The following ESRRG variants were observed in gnomAD, a reference collection of about 807,000 sequenced individuals.
ESRRG encodes the protein estrogen-related receptor gamma.
A neutral mutation model predicts 44.0 loss-of-function variants in ESRRG; 13 were observed. The ratio of observed to expected loss-of-function variants is 0.30; its 90% CI spans 0.19 to 0.47. The LOEUF is 0.47. ESRRG is among the 20% of genes least tolerant of loss of function. The pLI, the probability that ESRRG is intolerant of heterozygous loss-of-function variation, is 1.00. For synonymous variants in ESRRG, 215 were observed against 214.6 expected (o/e 1.00, Z -0.02); for missense variants, 395 against 580.6 (o/e 0.68, Z 3.29).
rs1410828519 is a variant in ESRRG, at chr1:216,504,476, A to G, written c.*2463T>C. The G allele has an allele frequency of 6.6e-6, 1 of 152,606 alleles. No individual in the cohort carries two copies. The highest frequency in any genetic ancestry group is 6.6e-5 in the Admixed American group (1 of 15,264). 9.5% of individuals were successfully genotyped at this position (152,606 alleles called of 1,614,324 possible). ...ACACTACAGTCACTTCTCTACTGAG[A>G]AACCACAATCTACAATATAGTCCCA... On this transcript the variant is annotated 3_prime_UTR_variant, in exon 7 of 7. Coordinates refer to ENST00000408911, the MANE Select transcript of ESRRG (RefSeq NM_001438.4).
chr1:216,711,855 T>G (rs562609805), intron 1 of ESRRG, among the ~76,000 whole-genome samples: 23 of 152,346 alleles, frequency 1.5e-4, no homozygotes, highest in African/African-American at 5.0e-4. Flanking sequence ...TTATGGAATA[T>G]GAATGGTAGA....
intron 3 of ESRRG, among the ~76,000 whole-genome samples, chr1:216,619,522 G>A (rs536550509): frequency 7.2e-4 from 110 of 152,252 alleles, no homozygotes; most frequent in African/African-American, 2.3e-3. Flanking sequence ...TATGGCAGCC[G>A]TAAGAGCTTT....
intron 1 of ESRRG, among the ~76,000 whole-genome samples, chr1:216,942,438 G>A (rs555635008): frequency 1.3e-5 from 2 of 152,250 alleles, no homozygotes; most frequent in South Asian, 4.1e-4. Context: ...CCAGTAATGG[G>A]ATTGCTAGGT....
chr1:217,114,879 G>A (rs1445132024), intron 1 of ESRRG, among the ~76,000 whole-genome samples: 1 of 151,892 alleles, frequency 6.6e-6, no homozygotes, highest in East Asian at 1.9e-4. Context: ...CGACCAGGAT[G>A]GTCTCGATCT....
intron 1 of ESRRG, among the ~76,000 whole-genome samples, chr1:216,974,875 T>C (rs80165645): frequency 6.8e-6 from 1 of 147,202 alleles, no homozygotes; most frequent in African/African-American, 2.5e-5. Flanking sequence ...CCTTTTGTGC[T>C]TTTTTTTTTT....
chr1:216,861,710 T>TA (rs2096057801), intron 2 of ESRRG, among the ~76,000 whole-genome samples: 2 of 152,052 alleles, frequency 1.3e-5, no homozygotes, highest in African/African-American at 4.8e-5. Flanking sequence ...TCATAAAAAT[T>TA]AAAAATGTAT....
At chr1:216,952,425 T>C (rs2067129807) in intron 1 of ESRRG, among the ~76,000 whole-genome samples, 1 of 152,136 alleles carries the variant, frequency 6.6e-6, no homozygotes, top group Admixed American at 6.5e-5. Context: ...CCATGATGAA[T>C]GAGTTGTGTG....
chr1:217,125,421 G>GT (rs759924183), intron 1 of ESRRG, among the ~76,000 whole-genome samples: 1 of 152,140 alleles, frequency 6.6e-6, no homozygotes, highest in Non-Finnish European at 1.5e-5. Flanking sequence ...TGAATCCATT[G>GT]TTTCACAAAT....
At chr1:216,919,198 C>T (rs1247985655) in intron 2 of ESRRG, among the ~76,000 whole-genome samples, 1 of 152,058 alleles carries the variant, frequency 6.6e-6, no homozygotes, top group African/African-American at 2.4e-5. Context: ...AAACGGGAGG[C>T]CTCACGTGCT....
chr1:216,924,674 C>T (rs557821110), intron 2 of ESRRG, among the ~76,000 whole-genome samples: 1 of 152,060 alleles, frequency 6.6e-6, no homozygotes, highest in African/African-American at 2.4e-5. Context: ...CATGGCAATC[C>T]AAAGAGTGTT....
chr1:216,569,264 G>A (rs1247174134), intron 3 of ESRRG, among the ~76,000 whole-genome samples: 1 of 105,240 alleles, frequency 9.5e-6, no homozygotes, highest in Admixed American at 9.6e-5. Flanking sequence ...AAGGAGGGAG[G>A]AAGGAAAGAA....
At position 217,074,250 on chromosome 1, in the gene ESRRG, T is replaced by C. The variant is rs377710050; in HGVS notation, c.-106+15257A>G. Among the ~76,000 whole-genome samples the C allele has an allele frequency of 3.0e-3, 453 of 152,036 alleles. 1 individual carries two copies. Among genetic ancestry groups the C allele is most frequent in the Admixed American group, 5.6e-3 (85 of 15,280 alleles). On this transcript the variant is annotated intron_variant, in intron 1 of 7. Coordinates refer to the ESRRG transcript ENST00000359162. ...TTTTAGTAGAGACAGGGTTTCACCA[T>C]ATTGGCCCGGCCAGTCTCAAACTCC...
At chr1:216,919,907 T>G (rs1427433963) in intron 2 of ESRRG, among the ~76,000 whole-genome samples, 1 of 152,188 alleles carries the variant, frequency 6.6e-6, no homozygotes, top group Non-Finnish European at 1.5e-5. Context: ...TAAATTTTAT[T>G]CTAATAAGTC....
At chr1:217,125,940 C>T (rs1343865816) in intron 1 of ESRRG, among the ~76,000 whole-genome samples, 1 of 151,968 alleles carries the variant, frequency 6.6e-6, no homozygotes, top group African/African-American at 2.4e-5. Context: ...TTTCTGAGGC[C>T]CAGGGATTCA....
At chr1:216,665,979 C>T (rs2073834737) in intron 2 of ESRRG, among the ~76,000 whole-genome samples, 1 of 152,046 alleles carries the variant, frequency 6.6e-6, no homozygotes, top group African/African-American at 2.4e-5. Flanking sequence ...AGTAGTATAT[C>T]AGGAAAACAC....
rs574556157 is a variant in ESRRG, at chr1:217,074,921, C to T, written c.-106+14586G>A. ...ATAGTGTCCTCCTCTGTGAAGCACACAGAGCAGGATTCTACTTGATGATAT... is the reference window on the plus strand; with the variant it reads ...ATAGTGTCCTCCTCTGTGAAGCACATAGAGCAGGATTCTACTTGATGATAT... On this transcript the variant is annotated intron_variant, in intron 1 of 7. Coordinates refer to the ESRRG transcript ENST00000359162. 1.2e-4 allele frequency among the ~76,000 whole-genome samples: 19 copies of T among 152,306 alleles called. No homozygotes were observed. In the South Asian group the frequency reaches 3.9e-3, roughly 32 times the overall value.
intron 1 of ESRRG, among the ~76,000 whole-genome samples, chr1:217,014,446 T>C (rs2079058424): frequency 6.6e-6 from 1 of 152,202 alleles, no homozygotes; most frequent in African/African-American, 2.4e-5. Context: ...TACTGCTCTG[T>C]TCTGCATATG....
chr1:216,852,460 T>C (rs916495520), intron 2 of ESRRG, among the ~76,000 whole-genome samples: 13 of 152,214 alleles, frequency 8.5e-5, no homozygotes, highest in African/African-American at 3.1e-4. Flanking sequence ...AGCTCACTTA[T>C]CTGTTAAGCA....
chr1:216,834,265 G>A (rs2095530167), intron 2 of ESRRG, among the ~76,000 whole-genome samples: 1 of 152,236 alleles, frequency 6.6e-6, no homozygotes, highest in African/African-American at 2.4e-5. Context: ...GCCAAATACA[G>A]TGTCTTGCAC....
Sources: gnomAD v4.1 joint callset for allele counts (sites outside exome capture counted in the v4.1 genomes callset) on GRCh38, gnomAD v4.1.1 for gene constraint, MANE v1.5 for transcripts, NCBI Gene and HGNC (gene_info 2026-07-23, HGNC 2026-07-21) for gene names.